ENY2: variants seen among roughly 807,000 people sequenced by gnomAD.
The protein encoded by ENY2 is transcription and mRNA export factor ENY2.
A neutral mutation model predicts 15.9 loss-of-function variants in ENY2; 4 were observed. The ratio of observed to expected loss-of-function variants is 0.25; its 90% CI spans 0.12 to 0.57. The LOEUF is 0.57. Among genes scored for constraint, ENY2 ranks in the 20% least tolerant of loss-of-function variants. ENY2 has a pLI of 0.91. For synonymous variants in ENY2, 48 were observed against 38.0 expected (o/e 1.26, Z -0.97); for missense variants, 54 against 117.2 (o/e 0.46, Z 2.49).
intron 2 of ENY2, chr8:109,339,110 A>AT: frequency 1.7e-6 from 1 of 576,020 alleles, no homozygotes; most frequent in South Asian, 2.2e-5. Context: ...TCACTCATTA[A>AT]ATGAGACCCA....
At chr8:109,340,304 A>C in intron 3 of ENY2, 185 bp from the exon 4 acceptor site, 2 of 764,692 alleles carry the variant, frequency 2.6e-6, no homozygotes, top group Non-Finnish European at 2.0e-6. Context: ...CTTACGAACA[A>C]CTTTTATCTT....
chr8:109,339,703 T>G (rs558752817), intron 3 of ENY2: 2 of 249,280 alleles, frequency 8.0e-6, no homozygotes, highest in East Asian at 8.2e-5. Context: ...GGCAGACTTA[T>G]AGAAATTATC....
In ENY2 at chr8:109,343,407, C is replaced by T. The variant is rs749698090; in HGVS notation, c.232C>T (p.Leu78=). ...VAEITPKGRA[L]VPDSVKKELL... is the part of the protein sequence containing the mutation. ...ATTTTTTTATTTTTGTTTTTCAGCC[C>T]TGGTACCTGACAGTGTAAAGAAGGA... is the stretch of plus-strand genomic sequence containing the variant. Residue 78 remains leucine, a splice_region_variant and synonymous_variant, in exon 5 of 5, where the codon CTG becomes TTG. Transcript: ENST00000521688. 5.6e-6 allele frequency: 9 copies of T among 1,603,700 alleles called. No homozygotes were observed. In the Admixed American group the frequency reaches 8.6e-5, roughly 15 times the overall value.
rs1586327807 is a variant in ENY2 at position 109,339,251 on chromosome 8, C to T, written c.84-69C>T. On this transcript the variant is annotated intron_variant, in intron 2 of 4. Coordinates refer to ENST00000521688, the MANE Select transcript of ENY2 (RefSeq NM_020189.6). ...GGGAATTTTTAGTTGAACACTGAAA[C>T]TTTGCTTCATACATTCCTGTCTAAG... 7.6e-6 allele frequency: 11 copies of T among 1,456,376 alleles called. No individual in the cohort carries two copies. The East Asian group carries it at 2.5e-4, about 33-fold the overall frequency. The allele number at this position is 1,456,376 out of a possible 1,614,324, so 90.2% of individuals were successfully genotyped here.
intron 3 of ENY2, among the ~76,000 whole-genome samples, chr8:109,340,101 G>A (rs1816082556): frequency 6.9e-6 from 1 of 145,022 alleles, no homozygotes; most frequent in Non-Finnish European, 1.5e-5. Flanking sequence ...CACCTGTGAA[G>A]TGGGAAAATG....
chr8:109,342,591 C>G (rs1362996746), intron 4 of ENY2: 2 of 620,822 alleles, frequency 3.2e-6, no homozygotes, highest in Admixed American at 2.3e-5. Flanking sequence ...CTCACTAGCC[C>G]GGATCTCCCA....
In ENY2 at chr8:109,339,503, T is replaced by C. The variant is rs145986830; in HGVS notation, c.154+113T>C. On this transcript the variant is annotated intron_variant, in intron 3 of 4. Transcript: ENST00000521688. Reference sequence around the variant, plus strand: ...ATTCAAGCATGATTTTAAACAAATATGGAATTTAATCTTGTAATGGTTTCC... The same window carrying C: ...ATTCAAGCATGATTTTAAACAAATACGGAATTTAATCTTGTAATGGTTTCC... 1,064 of 853,286 alleles carry C rather than the reference T, an allele frequency of 1.2e-3. 8 individuals are homozygous for C. The African/African-American group carries it at 0.015, about 12-fold the overall frequency. 52.9% of individuals were successfully genotyped at this position (853,286 alleles called of 1,614,324 possible).
At chr8:109,337,015 CAATA>C (rs1816000295) in intron 2 of ENY2, among the ~76,000 whole-genome samples, 1 of 135,864 alleles carries the variant, frequency 7.4e-6, no homozygotes, top group Admixed American at 7.3e-5. Flanking sequence ...AGATCTCACA[CAATA>C]AGAAAAAGAG....
chr8:109,341,059 C>T (rs1816101453), intron 4 of ENY2, among the ~76,000 whole-genome samples: 1 of 152,088 alleles, frequency 6.6e-6, no homozygotes, highest in African/African-American at 2.4e-5. Context: ...AATGCAACCA[C>T]CTTCTTAATT....
chr8:109,337,379 T>G (rs1420522740), intron 2 of ENY2, among the ~76,000 whole-genome samples: 1 of 151,994 alleles, frequency 6.6e-6, no homozygotes, highest in African/African-American at 2.4e-5. Flanking sequence ...TTGTTTGTTT[T>G]TGATTCATGC....
At chr8:109,340,298 C>T (rs562725434) in intron 3 of ENY2, 191 bp from the exon 4 acceptor site, 24 of 703,182 alleles carry the variant, frequency 3.4e-5, no homozygotes, top group South Asian at 1.6e-4. Flanking sequence ...CTGAGACTTA[C>T]GAACAACTTT....
chr8:109,342,756 A>G (rs1816150269), intron 4 of ENY2: 1 of 696,956 alleles, frequency 1.4e-6, no homozygotes, highest in African/African-American at 1.8e-5. Context: ...CTCCTGCCTC[A>G]ACCTTCCAGA....
At chr8:109,334,787 A>G (rs1265754191) in intron 1 of ENY2, 11 of 452,576 alleles carry the variant, frequency 2.4e-5, no homozygotes, top group East Asian at 3.9e-5. Flanking sequence ...GTCCAAGGTC[A>G]CTATCCGTAT....
chr8:109,345,860 CCCA>C lies in ENY2; in HGVS notation c.*2385_*2387del, dbSNP rs915754513. On this transcript the variant is annotated 3_prime_UTR_variant, in exon 5 of 5. Transcript: ENST00000521688. ...AGTGCTGAGAACTCCCCACCTCTACCCCACCACCTGTAGGCTTCTTTGACAACT... is the reference window on the plus strand; with the variant it reads ...AGTGCTGAGAACTCCCCACCTCTACCCCACCTGTAGGCTTCTTTGACAACT... The C allele has an allele frequency of 2.0e-5, 3 of 152,110 alleles. No individual in the cohort carries two copies. The highest frequency in any genetic ancestry group is 4.4e-5 in the Non-Finnish European group (3 of 68,018). The allele number at this position is 152,110 out of a possible 1,614,324, so 9.4% of individuals were successfully genotyped here.
At chr8:109,334,629 C>T in intron 1 of ENY2, 155 bp downstream of exon 1, 4 of 844,086 alleles carry the variant, frequency 4.7e-6, no homozygotes, top group Non-Finnish European at 5.2e-6. Flanking sequence ...AACCAGTCCT[C>T]GCTTTGTTTT....
At position 109,334,405 on chromosome 8, in the gene ENY2, A is replaced by T; in HGVS notation, c.-64A>T. 6.2e-7 allele frequency: 1 copy of T among 1,612,286 alleles called. No individual in the cohort carries two copies. The highest frequency in any genetic ancestry group is 8.5e-7 in the Non-Finnish European group (1 of 1,178,996). The stretch of plus-strand genomic sequence containing the variant: ...AGTCCGGGCAGCCGAAGAGTGTGGT[A>T]GGTAACGGTCCTCAGCGCAAGGGTC... On this transcript the variant is annotated 5_prime_UTR_variant, in exon 1 of 5. Coordinates refer to ENST00000521688, the MANE Select transcript of ENY2 (RefSeq NM_020189.6).
chr8:109,339,326 A>C lies in ENY2; in HGVS notation c.90A>C (p.Lys30Asn), dbSNP rs767089526. Residue 30 changes from lysine (K) to asparagine (N), a missense_variant, in exon 3 of 5, where the codon AAA (lysine) becomes AAC (asparagine). Transcript: ENST00000521688. ...AACACTTCTGTTTCAACAGCCTCAA[A>C]GAGTTGCTGAGAGCTAAATTAATTG... ...LIETGERERL[K>N]ELLRAKLIEC... The C allele has an allele frequency of 2.5e-6, 4 of 1,613,652 alleles. No individual in the cohort carries two copies. In the African/African-American group the frequency reaches 5.3e-5, roughly 22 times the overall value.
At chr8:109,336,832 A>G (rs1323424244) in intron 2 of ENY2, among the ~76,000 whole-genome samples, 1 of 152,158 alleles carries the variant, frequency 6.6e-6, no homozygotes, top group African/African-American at 2.4e-5. Context: ...CCACGTAAAT[A>G]TTTGCAGAAT....
chr8:109,339,443 G>T, intron 3 of ENY2, 53 bp downstream of exon 3: 1 of 1,491,920 alleles, frequency 6.7e-7, no homozygotes, highest in Non-Finnish European at 9.3e-7. Context: ...GATCAGGATT[G>T]GTTTGGGGGT....
Sources: gnomAD v4.1 joint callset for allele counts (sites outside exome capture counted in the v4.1 genomes callset) on GRCh38, gnomAD v4.1.1 for gene constraint, MANE v1.5 for transcripts, NCBI Gene and HGNC (gene_info 2026-07-23, HGNC 2026-07-21) for gene names.